SYT1: variants seen among roughly 807,000 people sequenced by gnomAD.
SYT1 encodes the protein synaptotagmin-1.
Under a neutral mutation model 44.8 loss-of-function variants are expected in SYT1, and 8 were observed. The ratio of observed to expected loss-of-function variants is 0.18; its 90% confidence interval spans 0.10 to 0.32. The LOEUF (loss-of-function observed/expected upper bound fraction) is 0.32. Ranked by LOEUF, SYT1 falls within the 10% of genes least tolerant of loss-of-function variation. The pLI is 1.00. For missense variants in SYT1, 286 were observed against 509.3 expected (o/e 0.56, Z 4.22); for synonymous variants, 154 against 188.8 (o/e 0.82, Z 1.51).
chr12:79,385,307 T>C (rs1237846922), intron 9 of SYT1, among the ~76,000 whole-genome samples: 1 of 152,144 alleles, frequency 6.6e-6, no homozygotes, highest in South Asian at 2.1e-4. Flanking sequence ...GATTTCCATA[T>C]GGAAAAAACT....
At chr12:79,276,002 C>A (rs937838387) in intron 4 of SYT1, among the ~76,000 whole-genome samples, 1 of 152,156 alleles carries the variant, frequency 6.6e-6, no homozygotes, top group Non-Finnish European at 1.5e-5. Context: ...ATGGAAAGCA[C>A]CCAGAGCCAA....
At chr12:78,964,079 C>T (rs1189830211) in intron 1 of SYT1, 1 of 152,228 alleles carries the variant, frequency 6.6e-6, no homozygotes, top group African/African-American at 2.4e-5. Context: ...TCCTATAACA[C>T]TTTCCCATCC....
At chr12:78,895,810 A>G (rs1875328719) in intron 1 of SYT1, among the ~76,000 whole-genome samples, 2 of 151,808 alleles carry the variant, frequency 1.3e-5, no homozygotes, top group Admixed American at 6.6e-5. Context: ...AAGTTTATTG[A>G]TTCTGTAACT....
chr12:79,126,230 TA>T (rs1868428859), intron 3 of SYT1, among the ~76,000 whole-genome samples: 1 of 152,190 alleles, frequency 6.6e-6, no homozygotes, highest in African/African-American at 2.4e-5. Flanking sequence ...TGGCCATTAA[TA>T]AAAGTGGTTT....
chr12:78,993,832 G>A (rs1025398691), intron 2 of SYT1, among the ~76,000 whole-genome samples: 6 of 152,116 alleles, frequency 3.9e-5, no homozygotes, highest in African/African-American at 9.7e-5. Flanking sequence ...AGTTCAGCTG[G>A]TATTAGAAGC....
At chr12:79,361,514 CA>C (rs1159058621) in intron 9 of SYT1, among the ~76,000 whole-genome samples, 1 of 152,152 alleles carries the variant, frequency 6.6e-6, no homozygotes, top group Non-Finnish European at 1.5e-5. Context: ...CCTCTATACT[CA>C]AGCTAAAATT....
intron 3 of SYT1, among the ~76,000 whole-genome samples, chr12:79,083,508 G>T (rs1026707469): frequency 3.3e-5 from 5 of 151,938 alleles, no homozygotes; most frequent in African/African-American, 1.2e-4. Flanking sequence ...TTTTTAGTAA[G>T]AAAACAGATA....
At chr12:78,953,191 TGAGTCTG>T (rs1879052659) in intron 1 of SYT1, among the ~76,000 whole-genome samples, 1 of 152,124 alleles carries the variant, frequency 6.6e-6, no homozygotes, top group African/African-American at 2.4e-5. Flanking sequence ...TAGACTATTG[TGAGTCTG>T]GAGAAAGTGG....
At chr12:79,353,359 C>A in intron 8 of SYT1, 143 bp from the exon 9 acceptor site, 1 of 601,110 alleles carries the variant, frequency 1.7e-6, no homozygotes, top group Non-Finnish European at 2.9e-6. Context: ...CAATGAAAGG[C>A]CACTGTGTAA....
intron 1 of SYT1, among the ~76,000 whole-genome samples, chr12:78,912,611 A>G (rs984881446): frequency 2.6e-5 from 4 of 152,126 alleles, no homozygotes; most frequent in African/African-American, 9.6e-5. Flanking sequence ...CTGAAGACTC[A>G]GTAATCAACA....
chr12:78,957,541 C>A (rs1017658785), intron 1 of SYT1, among the ~76,000 whole-genome samples: 11 of 152,100 alleles, frequency 7.2e-5, no homozygotes, highest in African/African-American at 2.4e-4. Flanking sequence ...TTAAAATGAA[C>A]TCAGAAAGAT....
chr12:79,161,029 T>A (rs1317961669), intron 3 of SYT1, among the ~76,000 whole-genome samples: 1 of 152,036 alleles, frequency 6.6e-6, no homozygotes, highest in Non-Finnish European at 1.5e-5. Flanking sequence ...GCCCAAGAGC[T>A]CGAGACCATC....
chr12:79,249,954 A>C (rs1184625998), intron 4 of SYT1, among the ~76,000 whole-genome samples: 1 of 152,210 alleles, frequency 6.6e-6, no homozygotes, highest in African/African-American at 2.4e-5. Flanking sequence ...CAAATAAAAA[A>C]AAAATAGGGT....
At chr12:79,225,049 G>A (rs778861733) in intron 4 of SYT1, among the ~76,000 whole-genome samples, 5 of 151,690 alleles carry the variant, frequency 3.3e-5, no homozygotes, top group Non-Finnish European at 4.4e-5. Flanking sequence ...CCAAAGTGCT[G>A]GAATTACAGG....
chr12:79,223,929 T>G (rs1875328965), intron 4 of SYT1, among the ~76,000 whole-genome samples: 1 of 152,206 alleles, frequency 6.6e-6, no homozygotes, highest in African/African-American at 2.4e-5. Flanking sequence ...AGTATCTCTT[T>G]CTGCACCTGT....
At chr12:79,172,322 T>G (rs1275493273) in intron 3 of SYT1, among the ~76,000 whole-genome samples, 1 of 151,876 alleles carries the variant, frequency 6.6e-6, no homozygotes, top group Non-Finnish European at 1.5e-5. Context: ...ACATGAAGAG[T>G]GCCTGCTCCC....
At chr12:79,066,695 A>G (rs1168001284) in intron 3 of SYT1, among the ~76,000 whole-genome samples, 3 of 152,186 alleles carry the variant, frequency 2.0e-5, no homozygotes, top group Non-Finnish European at 2.9e-5. Flanking sequence ...TTGGTAACAT[A>G]GCTAATACAA....
At chr12:79,148,537 A>C (rs528365345) in intron 3 of SYT1, among the ~76,000 whole-genome samples, 1 of 152,284 alleles carries the variant, frequency 6.6e-6, no homozygotes, top group South Asian at 2.1e-4. Flanking sequence ...TGGAGATGGC[A>C]CAATTTCACA....
chr12:79,050,655 T>A (rs1227647010), intron 3 of SYT1, among the ~76,000 whole-genome samples: 1 of 152,086 alleles, frequency 6.6e-6, no homozygotes, highest in East Asian at 1.9e-4. Flanking sequence ...GTGTGACAAC[T>A]ATTAACAACA....
Sources: allele counts gnomAD v4.1 joint callset (sites outside exome capture counted in the v4.1 genomes callset), GRCh38; gene constraint gnomAD v4.1.1; transcripts MANE v1.5; gene names NCBI Gene and HGNC (gene_info 2026-07-23, HGNC 2026-07-21).